CCDC7: variants seen among roughly 807,000 people sequenced by gnomAD.
CCDC7 encodes coiled-coil domain containing 7, also known as coiled-coil domain-containing protein 7.
In CCDC7, 183 loss-of-function variants were observed where a neutral mutation model predicts 196.9. The ratio of observed to expected loss-of-function variants is 0.93; its 90% CI spans 0.82 to 1.05. The LOEUF is 1.05. Among genes scored for constraint, CCDC7 ranks in the 50% least tolerant of loss-of-function variants. The pLI, the probability that CCDC7 is intolerant of heterozygous loss-of-function variation, is 0.00. For missense variants in CCDC7, 1,540 were observed against 1,482.2 expected, an observed-to-expected ratio of 1.04 and a Z score of -0.64; for synonymous variants, 525 against 484.6, an observed-to-expected ratio of 1.08 and a Z score of -1.10.
chr10:32,739,867 C>A (rs966547028), intron 28 of CCDC7, among the ~76,000 whole-genome samples: 4 of 151,714 alleles, frequency 2.6e-5, no homozygotes, highest in Non-Finnish European at 5.9e-5. Flanking sequence ...TGCCCCCCCC[C>A]ACCAAACTGC....
chr10:32,451,458 G>T, upstream of CCDC7: 1 of 711,208 alleles, frequency 1.4e-6, no homozygotes, highest in East Asian at 3.2e-5. Context: ...AAAGCCTGAA[G>T]TGTAATCATA....
intron 30 of CCDC7, among the ~76,000 whole-genome samples, chr10:32,808,169 G>A (rs9988688): frequency 0.11 from 15,984 of 152,186 alleles, 1,041 homozygotes; most frequent in South Asian, 0.25. Flanking sequence ...CACCCTGCCT[G>A]CCAAAGCATG....
intron 29 of CCDC7, among the ~76,000 whole-genome samples, chr10:32,792,343 G>T (rs1455182868): frequency 6.6e-6 from 1 of 152,004 alleles, no homozygotes; most frequent in Non-Finnish European, 1.5e-5. Flanking sequence ...CTAGAATAAA[G>T]GTTAAAAGTC....
chr10:32,724,911 G>T (rs530472546), intron 25 of CCDC7, among the ~76,000 whole-genome samples: 2 of 152,228 alleles, frequency 1.3e-5, no homozygotes, highest in African/African-American at 2.4e-5. Flanking sequence ...GTGTGGGATG[G>T]AAAGCTGTCT....
intron 39 of CCDC7, among the ~76,000 whole-genome samples, chr10:32,851,179 ATTC>A (rs1342282770): frequency 6.6e-6 from 1 of 151,402 alleles, no homozygotes; most frequent in African/African-American, 2.4e-5. Context: ...TGTTTATTTG[ATTC>A]TTCTTTTATG....
chr10:32,745,965 G>A (rs889532142), intron 28 of CCDC7, among the ~76,000 whole-genome samples: 5 of 152,090 alleles, frequency 3.3e-5, no homozygotes, highest in Non-Finnish European at 7.3e-5. Flanking sequence ...ATTTTGGGGG[G>A]CACTGTTGTA....
chr10:32,715,212 A>G (rs1372067683), intron 25 of CCDC7, among the ~76,000 whole-genome samples: 1 of 152,122 alleles, frequency 6.6e-6, no homozygotes, highest in African/African-American at 2.4e-5. Flanking sequence ...GCAGGCAGCA[A>G]TCTTTACTGT....
At chr10:32,728,093 C>T (rs2083385605) in intron 26 of CCDC7, among the ~76,000 whole-genome samples, 1 of 152,112 alleles carries the variant, frequency 6.6e-6, no homozygotes. Context: ...TCATACACCC[C>T]CTTTCTTTCT....
chr10:32,722,452 C>A (rs2082551877), intron 25 of CCDC7, among the ~76,000 whole-genome samples: 1 of 152,062 alleles, frequency 6.6e-6, no homozygotes, highest in East Asian at 1.9e-4. Context: ...GGCTAGAAGT[C>A]TGGGATCAAG....
intron 6 of CCDC7, among the ~76,000 whole-genome samples, chr10:32,471,441 A>G (rs987912142): frequency 5.3e-5 from 8 of 152,204 alleles, no homozygotes; most frequent in East Asian, 1.9e-4. Flanking sequence ...TGCAAATTCA[A>G]TGTAGAAAAT....
intron 24 of CCDC7, among the ~76,000 whole-genome samples, chr10:32,705,419 A>C (rs1257378391): frequency 6.6e-6 from 1 of 152,106 alleles, no homozygotes; most frequent in Admixed American, 6.5e-5. Flanking sequence ...ACTAACGAGC[A>C]AAAGAACCAG....
intron 28 of CCDC7, among the ~76,000 whole-genome samples, chr10:32,770,149 T>C (rs1230423194): frequency 6.6e-6 from 1 of 152,216 alleles, no homozygotes; most frequent in Non-Finnish European, 1.5e-5. Flanking sequence ...ATTTCTTTTC[T>C]TCTGCTAGTT....
chr10:32,806,059 G>A (rs139688246), intron 30 of CCDC7, among the ~76,000 whole-genome samples: 6 of 152,292 alleles, frequency 3.9e-5, no homozygotes, highest in African/African-American at 1.2e-4. Flanking sequence ...TGTGAGAACA[G>A]CACCATTCCA....
Position 32,839,699 on chromosome 10 carries a change from A to T in CCDC7, c.3352+4801A>T, listed in dbSNP as rs144316549. ...ATTCTACTCAACAACTGCAGAATAT[A>T]CATTCTATTCATCAGCACATGGAAC... is the stretch of plus-strand genomic sequence containing the variant. On this transcript the variant is annotated intron_variant, in intron 33 of 41. Transcript: ENST00000639629. 6.0e-3 allele frequency among the ~76,000 whole-genome samples: 907 copies of T among 152,146 alleles called. 9 individuals carry two copies. Among genetic ancestry groups the T allele is most frequent in the African/African-American group, 0.021 (864 of 41,528 alleles).
intron 21 of CCDC7, among the ~76,000 whole-genome samples, chr10:32,680,668 C>A (rs1273694016): frequency 1.3e-5 from 2 of 152,004 alleles, no homozygotes; most frequent in African/African-American, 4.8e-5. Flanking sequence ...GGCCTCAGAC[C>A]CAAAACCAGA....
At chr10:32,697,543 G>A (rs1311193578) in intron 24 of CCDC7, among the ~76,000 whole-genome samples, 1 of 152,126 alleles carries the variant, frequency 6.6e-6, no homozygotes, top group Non-Finnish European at 1.5e-5. Context: ...CGCTTGGCGG[G>A]TCCCACACCC....
intron 41 of CCDC7, among the ~76,000 whole-genome samples, chr10:32,864,699 A>G (rs2094139722): frequency 6.6e-6 from 1 of 151,916 alleles, no homozygotes; most frequent in Non-Finnish European, 1.5e-5. Flanking sequence ...TTTAAATTAG[A>G]AGAATAATTA....
Position 32,729,310 on chromosome 10 carries a change from A to G in CCDC7, c.2780-22A>G, listed in dbSNP as rs766980248. The G allele has an allele frequency of 4.5e-6, 7 of 1,540,086 alleles. No homozygotes were observed. The Admixed American group carries it at 8.5e-5, about 19-fold the overall frequency. Reference sequence around the variant, plus strand: ...TTGGCATATCCAGAAGTTCTATTGCACATCTATTTTTTTCTATTTAGCGTT... The same window carrying G: ...TTGGCATATCCAGAAGTTCTATTGCGCATCTATTTTTTTCTATTTAGCGTT... On this transcript the variant is annotated intron_variant, in intron 27 of 41. Transcript: ENST00000639629.
At chr10:32,467,074 T>C (rs1282280198) in intron 5 of CCDC7, among the ~76,000 whole-genome samples, 3 of 152,084 alleles carry the variant, frequency 2.0e-5, no homozygotes, top group Non-Finnish European at 4.4e-5. Flanking sequence ...GTATGTCTTC[T>C]TTTGAAAAGC....
Sources: allele counts gnomAD v4.1 joint callset (sites outside exome capture counted in the v4.1 genomes callset), GRCh38; gene constraint gnomAD v4.1.1; transcripts MANE v1.5; gene names NCBI Gene and HGNC (gene_info 2026-07-23, HGNC 2026-07-21).